Variants in TLE3 observed in about 807,000 individuals in gnomAD.
TLE3 encodes the protein transducin-like enhancer protein 3.
Under a neutral mutation model 93.0 loss-of-function variants are expected in TLE3, and 14 were observed. That is an observed-to-expected ratio of 0.15 (90% confidence interval 0.10 to 0.24). TLE3 has a LOEUF of 0.24. TLE3 is among the 10% of genes least tolerant of loss of function. The pLI is 1.00. For synonymous variants in TLE3, 451 were observed against 425.0 expected (o/e 1.06, Z -0.75); for missense variants, 693 against 1,046.6 (o/e 0.66, Z 4.66).
chr15:70,060,762 TG>T (rs1281082999), intron 8 of TLE3, 113 bp from the exon 9 acceptor site: 2 of 1,535,764 alleles, frequency 1.3e-6, no homozygotes, highest in Non-Finnish European at 1.8e-6. Context: ...GAAGAGAAGC[TG>T]AACTCCTCTC....
rs1318319193 is a variant in TLE3, at chr15:70,048,137, T to TC, written c.*1959dup. On this transcript the variant is annotated 3_prime_UTR_variant, in exon 20 of 20. Transcript: ENST00000451782. The stretch of plus-strand genomic sequence containing the variant: ...GACAGCAACAGTGGCCTGGCTGTTT[T>TC]CCCGGGGGGCGGGGGGCGGGACTGG... 9.3e-6 allele frequency: 1 copy of TC among 108,092 alleles called. No homozygotes were observed. The highest frequency in any genetic ancestry group is 1.7e-5 in the Non-Finnish European group (1 of 57,724). 6.7% of individuals were successfully genotyped at this position (108,092 alleles called of 1,614,324 possible).
chr15:70,055,933 C>T (rs565971459), intron 14 of TLE3: 12 of 379,046 alleles, frequency 3.2e-5, no homozygotes, highest in Admixed American at 1.6e-4. Flanking sequence ...GAAGGGCCTG[C>T]GACCAGCGGC....
Position 70,066,190 on chromosome 15 carries a change from G to T in TLE3, c.401C>A (p.Ser134Tyr). 6.5e-7 allele frequency: 1 copy of T among 1,543,146 alleles called. No homozygotes were observed. Reference sequence around the variant, plus strand: ...GACCGGGGGGCCGTGTGTGGCATGGGAGAGGTGCTGCGCCTGGAGCTGCTG... The same window carrying T: ...GACCGGGGGGCCGTGTGTGGCATGGTAGAGGTGCTGCGCCTGGAGCTGCTG... Reference protein sequence around the residue: ...GQQQLQAQHLSHATHGPPVQL... With the variant: ...GQQQLQAQHLYHATHGPPVQL... Residue 134 changes from serine (S) to tyrosine (Y), a missense_variant, in exon 7 of 20, where the codon TCC (serine) becomes TAC (tyrosine). Ser to Tyr is a moderately radical substitution (Grantham distance 144). Coordinates refer to ENST00000451782, the MANE Select transcript of TLE3 (RefSeq NM_001105192.3).
chr15:70,071,329 C>T (rs934549338), intron 6 of TLE3, among the ~76,000 whole-genome samples: 26 of 152,134 alleles, frequency 1.7e-4, no homozygotes, highest in Non-Finnish European at 2.6e-4. Context: ...TCTCTTCCCT[C>T]GGTAGACACT....
chr15:70,082,537 T>C (rs1022592460), intron 4 of TLE3, among the ~76,000 whole-genome samples: 2 of 152,190 alleles, frequency 1.3e-5, no homozygotes, highest in African/African-American at 2.4e-5. Context: ...CAATGACAGG[T>C]GAGCCTTCTT....
chr15:70,096,421 G>A (rs1241300995), intron 1 of TLE3, 160 bp from the exon 2 acceptor site: 4 of 1,304,234 alleles, frequency 3.1e-6, no homozygotes, highest in Non-Finnish European at 4.1e-6. Context: ...CGGAGGGGGG[G>A]CGCCCCATCT....
At position 70,096,852 on chromosome 15, in the gene TLE3, G is replaced by C. The variant is rs746823569; in HGVS notation, c.-54C>G. ...GTGGAAGCGCCGAGAGCCCGGGCCG[G>C]GGAGGTGCGGGGGAGGGGGGAGCCG... is the stretch of plus-strand genomic sequence containing the variant. On this transcript the variant is annotated 5_prime_UTR_variant, in exon 1 of 20. Transcript: ENST00000451782. 6.3e-7 allele frequency: 1 copy of C among 1,598,716 alleles called. No homozygotes were observed. Among genetic ancestry groups the C allele is most frequent in the Non-Finnish European group, 8.5e-7 (1 of 1,174,182 alleles).
chr15:70,096,693 A>G lies in TLE3; in HGVS notation c.24+82T>C, dbSNP rs763543215. 89 of 1,579,172 alleles carry G rather than the reference A, an allele frequency of 5.6e-5. 2 individuals carry two copies. The South Asian group carries it at 7.3e-4, about 13-fold the overall frequency. On this transcript the variant is annotated intron_variant, in intron 1 of 19. Coordinates refer to ENST00000451782, the MANE Select transcript of TLE3 (RefSeq NM_001105192.3). ...CACACACACCATAAAGGTAGCAACA[A>G]GCAAAATGGAGGTGCCAGATAAACT...
Position 70,055,454 on chromosome 15 carries a change from G to T in TLE3, c.1329-156C>A, listed in dbSNP as rs547558570. The stretch of plus-strand genomic sequence containing the variant: ...TTCGAACCCAGTAACCCCATGTACT[G>T]GGATGGCTCCATCGAGGTAGACATG... On this transcript the variant is annotated intron_variant, in intron 14 of 19. Coordinates refer to ENST00000451782, the MANE Select transcript of TLE3 (RefSeq NM_001105192.3). The T allele has an allele frequency of 5.7e-5, 59 of 1,031,232 alleles. No homozygotes were observed. In the Middle Eastern group the frequency reaches 8.1e-4, roughly 14 times the overall value. 63.9% of individuals were successfully genotyped at this position (1,031,232 alleles called of 1,614,324 possible). A position where few individuals can be genotyped will look rare whatever the true frequency, so the allele number is the denominator to read the frequency against.
At chr15:70,076,050 G>A (rs202045063) in intron 5 of TLE3, 46 bp downstream of exon 5, 90 of 1,590,294 alleles carry the variant, frequency 5.7e-5, no homozygotes, top group Non-Finnish European at 7.6e-5. Flanking sequence ...CCAGCCACTG[G>A]GCTGATTTGG....
At chr15:70,060,878 T>G in intron 8 of TLE3, 1 of 593,024 alleles carries the variant, frequency 1.7e-6, no homozygotes, top group Non-Finnish European at 3.1e-6. Flanking sequence ...CCCAATTCTC[T>G]TTTGCAGCTC....
At chr15:70,066,830 T>C in intron 6 of TLE3, 1 of 238,806 alleles carries the variant, frequency 4.2e-6, no homozygotes, top group Non-Finnish European at 9.1e-6. Flanking sequence ...ACTGGAAGAG[T>C]GGAGGCTTTG....
Position 70,058,755 on chromosome 15 carries a change from C to A in TLE3, c.826G>T (p.Ala276Ser), listed in dbSNP as rs1368438171. 2 of 1,610,230 alleles carry A rather than the reference C, an allele frequency of 1.2e-6. No individual in the cohort carries two copies. Among genetic ancestry groups the A allele is most frequent in the South Asian group, 1.1e-5 (1 of 90,324 alleles). Residue 276 changes from alanine to serine, a missense_variant, in exon 11 of 20, where the codon GCC becomes TCC. Ala to Ser is a moderately conservative substitution (Grantham distance 99). Around this residue, in one of 4 missense-constraint regions of TLE3, gnomAD observed 405 missense variants for 468.9 expected, o/e 0.86. Coordinates refer to ENST00000451782, the MANE Select transcript of TLE3 (RefSeq NM_001105192.3). This position sits in a 1 kb window ranked among gnomAD's most constrained non-coding sequence, Gnocchi z 4.1. ...GGGGCATCTTTTTTCAGGCTACGGG[C>A]CTTGTCCAGCCCATTTTCAGGAGGG... is the stretch of plus-strand genomic sequence containing the variant. ...HSPPENGLDK[A>S]RSLKKDAPTS...
In TLE3 at chr15:70,094,777, C is replaced by G. The variant is rs2058469389; in HGVS notation, c.190-201G>C. 2.3e-5 allele frequency: 13 copies of G among 564,476 alleles called. No individual in the cohort carries two copies. The South Asian group carries it at 2.7e-4, about 12-fold the overall frequency. 35.0% of individuals were successfully genotyped at this position (564,476 alleles called of 1,614,324 possible). A position where few individuals can be genotyped will look rare whatever the true frequency, so the allele number is the denominator to read the frequency against. On this transcript the variant is annotated intron_variant, in intron 3 of 19. Coordinates refer to ENST00000451782, the MANE Select transcript of TLE3 (RefSeq NM_001105192.3). The stretch of plus-strand genomic sequence containing the variant: ...GAGCGTTCCTCTCATCTCAACAGAA[C>G]GTTATATTATGTGGTAGTAAGGGGA...
In TLE3 at chr15:70,058,022, T is replaced by C; in HGVS notation, c.1051+137A>G. 7.3e-7 allele frequency: 1 copy of C among 1,375,136 alleles called. No individual in the cohort carries two copies. Among genetic ancestry groups the C allele is most frequent in the Admixed American group, 2.4e-5 (1 of 41,088 alleles). 85.2% of individuals were successfully genotyped at this position (1,375,136 alleles called of 1,614,324 possible). A position where few individuals can be genotyped will look rare whatever the true frequency, so the allele number is the denominator to read the frequency against. ...GGTGTCACCTCCTCAAATCTGACCG[T>C]GAAGTCCCCAGGGGCAGGCCCTGGG... On this transcript the variant is annotated intron_variant, in intron 12 of 19. Coordinates refer to ENST00000451782, the MANE Select transcript of TLE3 (RefSeq NM_001105192.3). The surrounding 1 kb of genome is among the most constrained non-coding windows in gnomAD (Gnocchi z 4.1).
At chr15:70,062,211 G>A (rs529718098) in intron 8 of TLE3, among the ~76,000 whole-genome samples, 4 of 152,328 alleles carry the variant, frequency 2.6e-5, no homozygotes, top group Admixed American at 6.5e-5. Context: ...CCCCACAGCC[G>A]TGCAGGAGCG....
chr15:70,058,580 C>A lies in TLE3; in HGVS notation c.918+83G>T. ...CACCCACCCAGCTTCTCCCACTCCA[C>A]CCCTCTGCCTGCCAATCGGCACCAC... On this transcript the variant is annotated intron_variant, in intron 11 of 19. Coordinates refer to ENST00000451782, the MANE Select transcript of TLE3 (RefSeq NM_001105192.3). This position sits in a 1 kb window ranked among gnomAD's most constrained non-coding sequence, Gnocchi z 4.1. 6.7e-7 allele frequency: 1 copy of A among 1,489,112 alleles called. No individual in the cohort carries two copies. The highest frequency in any genetic ancestry group is 1.3e-5 in the South Asian group (1 of 74,432). The allele number at this position is 1,489,112 out of a possible 1,614,324, so 92.2% of individuals were successfully genotyped here.
chr15:70,096,369 G>A, intron 1 of TLE3, 108 bp from the exon 2 acceptor site: 1 of 1,489,380 alleles, frequency 6.7e-7, no homozygotes, highest in Non-Finnish European at 8.9e-7. Flanking sequence ...GCCACCCTCA[G>A]CCCAGAACCT....
At chr15:70,051,622 G>A (rs1240603907) in intron 18 of TLE3, 155 bp from the exon 19 acceptor site, 2 of 444,814 alleles carry the variant, frequency 4.5e-6, no homozygotes, top group East Asian at 4.3e-5. Context: ...AATGGGACAT[G>A]CGGACACCTG....
Sources: allele counts gnomAD v4.1 joint callset (sites outside exome capture counted in the v4.1 genomes callset), GRCh38; gene constraint gnomAD v4.1.1; regional missense constraint gnomAD v4.1.1; non-coding constraint Gnocchi (gnomAD v3.1); transcripts MANE v1.5; gene names NCBI Gene and HGNC (gene_info 2026-07-23, HGNC 2026-07-21).